Variants in ADGRL2 observed in about 807,000 individuals in gnomAD.
The protein encoded by ADGRL2 is calcium-independent alpha-latrotoxin receptor 2.
A neutral mutation model predicts 157.4 loss-of-function variants in ADGRL2; 44 were observed. That is an observed-to-expected ratio of 0.28 (90% CI 0.22 to 0.36). The LOEUF (loss-of-function observed/expected upper bound fraction) is 0.36, where lower values mean the gene tolerates loss of function less well. ADGRL2 is among the 10% of genes least tolerant of loss of function. The pLI is 1.00. For synonymous variants in ADGRL2, 585 were observed against 624.7 expected (o/e 0.94, Z 0.95); for missense variants, 1,510 against 1,768.9 (o/e 0.85, Z 2.63).
chr1:81,513,529 A>C (rs764767518), intron 2 of ADGRL2, among the ~76,000 whole-genome samples: 1 of 152,192 alleles, frequency 6.6e-6, no homozygotes, highest in Non-Finnish European at 1.5e-5. Context: ...TCAGTGAGGG[A>C]AGGACTAGTA....
intron 4 of ADGRL2, among the ~76,000 whole-genome samples, chr1:81,940,192 A>G (rs888316912): frequency 1.3e-5 from 2 of 151,548 alleles, no homozygotes; most frequent in African/African-American, 2.4e-5. Flanking sequence ...ACATTTTAAA[A>G]TGTATTATTT....
At chr1:81,929,092 CATG>C (rs1296225431) in intron 3 of ADGRL2, among the ~76,000 whole-genome samples, 1 of 152,102 alleles carries the variant, frequency 6.6e-6, no homozygotes, top group African/African-American at 2.4e-5. Flanking sequence ...TAGTTTCTGT[CATG>C]ATATACTGAG....
intron 1 of ADGRL2, among the ~76,000 whole-genome samples, chr1:81,434,559 A>G (rs2077376754): frequency 6.6e-6 from 1 of 152,204 alleles, no homozygotes; most frequent in African/African-American, 2.4e-5. Context: ...GAATAAGTGA[A>G]TGAACCCAGT....
At chr1:81,965,569 CATAG>C (rs879486745) in intron 11 of ADGRL2, among the ~76,000 whole-genome samples, 3 of 152,112 alleles carry the variant, frequency 2.0e-5, no homozygotes, top group South Asian at 2.1e-4. Flanking sequence ...TAAAGTGGAT[CATAG>C]ATAGAAAGAG....
chr1:81,542,175 G>C (rs1459219379), intron 2 of ADGRL2, among the ~76,000 whole-genome samples: 1 of 152,120 alleles, frequency 6.6e-6, no homozygotes, highest in Admixed American at 6.5e-5. Flanking sequence ...CCACAGGTTT[G>C]AACACCATCA....
At chr1:81,979,258 C>G (rs1661003288) in intron 17 of ADGRL2, among the ~76,000 whole-genome samples, 1 of 151,748 alleles carries the variant, frequency 6.6e-6, no homozygotes, top group South Asian at 2.1e-4. Context: ...CAGAATGTAT[C>G]TACTTCCTTA....
chr1:81,703,019 A>T (rs535066263), intron 1 of ADGRL2, among the ~76,000 whole-genome samples: 47 of 152,222 alleles, frequency 3.1e-4, no homozygotes, highest in Non-Finnish European at 5.6e-4. Context: ...AGCACAACAC[A>T]CTGGGGTAGT....
intron 1 of ADGRL2, among the ~76,000 whole-genome samples, chr1:81,307,967 ATTTG>A (rs1242091935): frequency 6.6e-6 from 1 of 152,144 alleles, no homozygotes; most frequent in African/African-American, 2.4e-5. Context: ...TGTCTCTGGC[ATTTG>A]TTAGGTTACT....
intron 2 of ADGRL2, among the ~76,000 whole-genome samples, chr1:81,568,939 A>G (rs915495450): frequency 1.3e-5 from 2 of 152,166 alleles, no homozygotes; most frequent in African/African-American, 4.8e-5. Flanking sequence ...AGGTAGACTG[A>G]CAATAGCTTC....
In ADGRL2 at chr1:81,671,598, C is replaced by T. The variant is rs181697038; in HGVS notation, c.-142-90213C>T. On this transcript the variant is annotated intron_variant, in intron 3 of 24. Transcript: ENST00000370721. ...TGCAATCTCAGCTCACAGCAACCTCCACCTCCTGGGTTCAAGTGATTCTCC... is the reference window on the plus strand; with the variant it reads ...TGCAATCTCAGCTCACAGCAACCTCTACCTCCTGGGTTCAAGTGATTCTCC... Among the ~76,000 whole-genome samples the T allele has an allele frequency of 3.3e-5, 5 of 152,138 alleles. No homozygotes were observed. The East Asian group carries it at 9.7e-4, about 30-fold the overall frequency.
intron 3 of ADGRL2, among the ~76,000 whole-genome samples, chr1:81,912,243 T>A (rs906825002): frequency 6.6e-6 from 1 of 151,940 alleles, no homozygotes; most frequent in African/African-American, 2.4e-5. Flanking sequence ...GGCTAATTTT[T>A]GTATTTTCAG....
At chr1:81,801,848 C>T (rs981528700) in intron 1 of ADGRL2, among the ~76,000 whole-genome samples, 2 of 152,220 alleles carry the variant, frequency 1.3e-5, no homozygotes, top group African/African-American at 2.4e-5. Context: ...CTTTTGCTTC[C>T]ACCACCCCTT....
intron 3 of ADGRL2, among the ~76,000 whole-genome samples, chr1:81,689,315 G>C (rs1034039414): frequency 6.6e-6 from 1 of 152,094 alleles, no homozygotes; most frequent in Non-Finnish European, 1.5e-5. Flanking sequence ...AAGAATGTTA[G>C]ATTTTCTAAA....
At chr1:81,796,269 G>A (rs576885301), upstream of ADGRL2, among the ~76,000 whole-genome samples, 6 of 152,268 alleles carry the variant, frequency 3.9e-5, no homozygotes, top group South Asian at 1.2e-3. Flanking sequence ...GATTACAGGC[G>A]TGAGCCACCA....
chr1:81,504,760 C>A (rs965844298), intron 2 of ADGRL2, among the ~76,000 whole-genome samples: 5 of 152,246 alleles, frequency 3.3e-5, no homozygotes, highest in African/African-American at 1.2e-4. Context: ...CCCAGCTGAC[C>A]AGGGAGGCAG....
chr1:81,711,569 TTTGTTTG>T (rs1457858429), intron 1 of ADGRL2, among the ~76,000 whole-genome samples: 3 of 152,182 alleles, frequency 2.0e-5, no homozygotes, highest in Non-Finnish European at 2.9e-5. Context: ...TTGGTATTTT[TTTGTTTG>T]TTGTTTGTTT....
At position 81,992,315 on chromosome 1, in the gene ADGRL2, CT is replaced by C. The variant is rs200680401; in HGVS notation, c.*1178del. ...TGTAAATTGTTTCAGCAAAATTCTGCTTTTTTTTCATCCCTTTGTGTAAACC... is the reference window on the plus strand; with the variant it reads ...TGTAAATTGTTTCAGCAAAATTCTGCTTTTTTTCATCCCTTTGTGTAAACC... On this transcript the variant is annotated 3_prime_UTR_variant, in exon 24 of 24. Coordinates refer to ENST00000686636, the MANE Select transcript of ADGRL2 (RefSeq NM_001366006.2). The C allele has an allele frequency of 1.9e-3, 291 of 152,448 alleles. 2 individuals are homozygous for C. The highest frequency in any genetic ancestry group is 3.3e-3 in the South Asian group (16 of 4,820). 9.4% of individuals were successfully genotyped at this position (152,448 alleles called of 1,614,324 possible).
intron 1 of ADGRL2, among the ~76,000 whole-genome samples, chr1:81,367,441 G>C (rs1392432068): frequency 6.6e-6 from 1 of 152,094 alleles, no homozygotes; most frequent in Non-Finnish European, 1.5e-5. Context: ...TCATCATTCA[G>C]CTCCCACTTA....
In ADGRL2 at chr1:81,858,156, T is replaced by G. The variant is rs180863697; in HGVS notation, c.73+21099T>G. Among the ~76,000 whole-genome samples the G allele has an allele frequency of 9.2e-5, 14 of 152,294 alleles. No individual in the cohort carries two copies. The East Asian group carries it at 2.7e-3, about 29-fold the overall frequency. On this transcript the variant is annotated intron_variant, in intron 2 of 23. Transcript: ENST00000686636. Reference sequence around the variant, plus strand: ...ACTCTGAGGTATAAGCAGTTAGTTCTGGCCACTAAAACTCAGTATTATTCT... The same window carrying G: ...ACTCTGAGGTATAAGCAGTTAGTTCGGGCCACTAAAACTCAGTATTATTCT...
Sources: gnomAD v4.1 joint callset for allele counts (sites outside exome capture counted in the v4.1 genomes callset) on GRCh38, gnomAD v4.1.1 for gene constraint, MANE v1.5 for transcripts, NCBI Gene and HGNC (gene_info 2026-07-23, HGNC 2026-07-21) for gene names.